USP15: variants seen among roughly 807,000 people sequenced by gnomAD.
The protein encoded by USP15 is ubiquitin specific peptidase 15.
USP15 carries 18 observed loss-of-function variants against 127.1 expected under a neutral mutation model. The observed-to-expected ratio is 0.14, with a 90% CI of 0.10 to 0.21. USP15 has a LOEUF of 0.21. Ranked by LOEUF, USP15 falls within the 10% of genes least tolerant of loss-of-function variation. The pLI is 1.00. For missense variants in USP15, 805 were observed against 1,159.9 expected (o/e 0.69, Z 4.44); for synonymous variants, 364 against 393.7 (o/e 0.92, Z 0.89).
intron 1 of USP15, chr12:62,279,273 C>G (rs929208468): frequency 6.6e-6 from 1 of 152,112 alleles, no homozygotes; most frequent in Non-Finnish European, 1.5e-5. Context: ...GACTCATTTA[C>G]TTCATTTAGC....
intron 6 of USP15, chr12:62,328,390 C>A: frequency 2.5e-6 from 1 of 392,418 alleles, no homozygotes; most frequent in Non-Finnish European, 5.2e-6. Context: ...GCCTGTGTTC[C>A]AATAAAGCTT....
chr12:62,407,564 T>A lies in USP15; in HGVS notation c.*3189T>A, dbSNP rs1421872487. The A allele has an allele frequency of 6.6e-6, 1 of 152,226 alleles. No individual in the cohort carries two copies. Among genetic ancestry groups the A allele is most frequent in the Non-Finnish European group, 1.5e-5 (1 of 68,030 alleles). The allele number at this position is 152,226 out of a possible 1,614,324, so 9.4% of individuals were successfully genotyped here. On this transcript the variant is annotated 3_prime_UTR_variant, in exon 22 of 22. Coordinates refer to ENST00000280377, the MANE Select transcript of USP15 (RefSeq NM_001252078.2). ...GAATATTGACTAACCCATTCCCTTT[T>A]AAAAATTAATTTCATTTAATTTATA... is the stretch of plus-strand genomic sequence containing the variant.
intron 1 of USP15, among the ~76,000 whole-genome samples, chr12:62,262,776 A>G (rs1316205267): frequency 6.6e-6 from 1 of 152,194 alleles, no homozygotes; most frequent in Non-Finnish European, 1.5e-5. Context: ...TGCTAGTATT[A>G]CAAGTATGAA....
chr12:62,301,513 A>C (rs2064318695), intron 2 of USP15, among the ~76,000 whole-genome samples: 1 of 152,190 alleles, frequency 6.6e-6, no homozygotes, highest in Non-Finnish European at 1.5e-5. Flanking sequence ...AATTAAAAGA[A>C]ATTAAGTATT....
At chr12:62,374,766 C>T (rs565813563) in intron 8 of USP15, among the ~76,000 whole-genome samples, 2 of 152,068 alleles carry the variant, frequency 1.3e-5, no homozygotes, top group African/African-American at 4.8e-5. Context: ...GCTTATTAGT[C>T]AGAACATACT....
In USP15 at chr12:62,406,655, T is replaced by C. The variant is rs896977123; in HGVS notation, c.*2280T>C. ...AAATAGTGCAAAAGGATAATACATA[T>C]TCTAATTAAAAGTAGGCATTCAGAC... On this transcript the variant is annotated 3_prime_UTR_variant, in exon 22 of 22. Transcript: ENST00000280377. 6.6e-6 allele frequency: 1 copy of C among 152,180 alleles called. No homozygotes were observed. Among genetic ancestry groups the C allele is most frequent in the African/African-American group, 2.4e-5 (1 of 41,458 alleles). The allele number at this position is 152,180 out of a possible 1,614,324, so 9.4% of individuals were successfully genotyped here.
In USP15 at chr12:62,393,045, A is replaced by G; in HGVS notation, c.2421-8A>G. ...TATCAAGTGTTAAATACTTCTGTTTATTCTTAGGTATTGTCCGAATTGTAA... is the reference window on the plus strand; with the variant it reads ...TATCAAGTGTTAAATACTTCTGTTTGTTCTTAGGTATTGTCCGAATTGTAA... On this transcript the variant is annotated splice_region_variant and splice_polypyrimidine_tract_variant and intron_variant, in intron 18 of 21. Coordinates refer to ENST00000280377, the MANE Select transcript of USP15 (RefSeq NM_001252078.2). 2 of 1,612,760 alleles carry G rather than the reference A, an allele frequency of 1.2e-6. No homozygotes were observed. Among genetic ancestry groups the G allele is most frequent in the Non-Finnish European group, 1.7e-6 (2 of 1,179,608 alleles).
chr12:62,282,651 CT>C (rs1416039801), intron 1 of USP15, among the ~76,000 whole-genome samples: 1 of 152,192 alleles, frequency 6.6e-6, no homozygotes, highest in Non-Finnish European at 1.5e-5. Flanking sequence ...CCCAAACTGC[CT>C]TCAAGCCCTC....
intron 1 of USP15, 42 bp downstream of exon 1, chr12:62,260,545 A>G (rs1346700341): frequency 1.3e-6 from 2 of 1,519,368 alleles, no homozygotes; most frequent in Admixed American, 2.0e-5. Context: ...GCCCGAGGAT[A>G]GTGGAGAAGT....
intron 8 of USP15, among the ~76,000 whole-genome samples, chr12:62,375,714 A>G (rs934974095): frequency 8.5e-5 from 13 of 152,304 alleles, no homozygotes; most frequent in African/African-American, 3.1e-4. Context: ...GTCTCAATAC[A>G]TTAAACTAAG....
At chr12:62,277,105 G>A (rs1298162499) in intron 1 of USP15, among the ~76,000 whole-genome samples, 2 of 152,048 alleles carry the variant, frequency 1.3e-5, no homozygotes, top group African/African-American at 4.8e-5. Flanking sequence ...AACAAAAGAC[G>A]TTTACTCTTG....
intron 6 of USP15, among the ~76,000 whole-genome samples, chr12:62,342,100 G>T (rs1424601715): frequency 1.3e-5 from 2 of 152,088 alleles, no homozygotes; most frequent in Non-Finnish European, 2.9e-5. Context: ...TGGAGGCTTT[G>T]TTCATTCCTT....
intron 1 of USP15, among the ~76,000 whole-genome samples, chr12:62,282,330 CA>C (rs201607815): frequency 3.4e-5 from 5 of 148,074 alleles, no homozygotes; most frequent in East Asian, 2.0e-4. Context: ...ACCCTGTCTC[CA>C]AAAAAAAATA....
intron 8 of USP15, among the ~76,000 whole-genome samples, chr12:62,358,607 T>C (rs994388098): frequency 5.3e-5 from 8 of 151,964 alleles, no homozygotes; most frequent in Non-Finnish European, 7.4e-5. Context: ...TCCAAGCTAC[T>C]CGGGAGGCTA....
chr12:62,357,797 A>C (rs1247857275), intron 8 of USP15, among the ~76,000 whole-genome samples: 1 of 152,166 alleles, frequency 6.6e-6, no homozygotes, highest in Non-Finnish European at 1.5e-5. Flanking sequence ...TTAATTGATT[A>C]AGATGTCAGC....
chr12:62,387,488 G>C (rs1192604179), intron 11 of USP15, among the ~76,000 whole-genome samples: 1 of 152,082 alleles, frequency 6.6e-6, no homozygotes, highest in Non-Finnish European at 1.5e-5. Flanking sequence ...AGAGGAATAT[G>C]ATCACAGCAA....
At chr12:62,326,945 C>T (rs1044712978) in intron 6 of USP15, among the ~76,000 whole-genome samples, 3 of 152,006 alleles carry the variant, frequency 2.0e-5, no homozygotes, top group South Asian at 2.1e-4. Context: ...GCCTGGCCAA[C>T]ATGGTGAAAC....
At chr12:62,390,063 CAT>C (rs1233790319) in intron 14 of USP15, 75 bp downstream of exon 14, 54 of 1,328,634 alleles carry the variant, frequency 4.1e-5, no homozygotes, top group Non-Finnish European at 5.2e-5. Context: ...AAAATAAACA[CAT>C]AAGGTACTAT....
intron 6 of USP15, among the ~76,000 whole-genome samples, chr12:62,337,915 G>C (rs2065522811): frequency 6.6e-6 from 1 of 152,080 alleles, no homozygotes; most frequent in Non-Finnish European, 1.5e-5. Context: ...ATTCTTTGCT[G>C]TTGTAAATAG....
Sources: allele counts gnomAD v4.1 joint callset (sites outside exome capture counted in the v4.1 genomes callset), GRCh38; gene constraint gnomAD v4.1.1; transcripts MANE v1.5; gene names NCBI Gene and HGNC (gene_info 2026-07-23, HGNC 2026-07-21).